The following PTPRR variants were observed in gnomAD, a reference collection of about 807,000 sequenced individuals.
PTPRR encodes the protein protein tyrosine phosphatase receptor type R, also known as receptor-type tyrosine-protein phosphatase R.
A neutral mutation model predicts 77.2 loss-of-function variants in PTPRR; 38 were observed. The observed-to-expected ratio is 0.49, with a 90% CI of 0.38 to 0.65. The LOEUF is 0.65. Among genes scored for constraint, PTPRR ranks in the 30% least tolerant of loss-of-function variants. The probability of loss-of-function intolerance (pLI) is 0.00; values close to 1 mark genes in which losing one functional copy is unlikely to be tolerated. For missense variants in PTPRR, 744 were observed against 799.2 expected, an observed-to-expected ratio of 0.93 and a Z score of 0.83; for synonymous variants, 299 against 283.1, an observed-to-expected ratio of 1.06 and a Z score of -0.57.
intron 2 of PTPRR, among the ~76,000 whole-genome samples, chr12:70,803,639 G>A (rs146080419): frequency 1.8e-4 from 28 of 152,196 alleles, no homozygotes; most frequent in African/African-American, 6.5e-4. Context: ...TGCTGCCCAT[G>A]GAGAAACAGA....
At chr12:70,765,941 G>A (rs1890810266) in intron 2 of PTPRR, among the ~76,000 whole-genome samples, 1 of 152,222 alleles carries the variant, frequency 6.6e-6, no homozygotes, top group South Asian at 2.1e-4. Context: ...CAACAGACCT[G>A]CAGCTGAGGG....
intron 2 of PTPRR, among the ~76,000 whole-genome samples, chr12:70,855,840 T>C (rs1182311244): frequency 6.6e-6 from 1 of 150,632 alleles, no homozygotes; most frequent in Non-Finnish European, 1.5e-5. Flanking sequence ...ATAACAACAA[T>C]GTTTTGCAAC....
chr12:70,658,996 C>T (rs1039998582), intron 12 of PTPRR, among the ~76,000 whole-genome samples: 11 of 146,428 alleles, frequency 7.5e-5, no homozygotes, highest in African/African-American at 1.5e-4. Flanking sequence ...TCTGCCTCCT[C>T]GGTTCAAGCG....
rs199789751 is a variant in PTPRR, at chr12:70,791,092, C to T, written c.358-26314G>A. Among the ~76,000 whole-genome samples, 23 of 152,258 alleles carry T rather than the reference C, an allele frequency of 1.5e-4. No individual in the cohort carries two copies. In the East Asian group the frequency reaches 4.4e-3, roughly 29 times the overall value. ...TTTTATTGTTTATTTTCTGCAAAAA[C>T]CTGGAGTAATTTTTGAAACCATAAA... is the stretch of plus-strand genomic sequence containing the variant. On this transcript the variant is annotated intron_variant, in intron 2 of 13. Coordinates refer to ENST00000283228, the MANE Select transcript of PTPRR (RefSeq NM_002849.4).
intron 2 of PTPRR, among the ~76,000 whole-genome samples, chr12:70,792,169 C>T (rs757833881): frequency 7.2e-5 from 11 of 152,134 alleles, no homozygotes; most frequent in Admixed American, 2.0e-4. Context: ...TGGTCTACTA[C>T]GTCAGAGGTT....
intron 11 of PTPRR, among the ~76,000 whole-genome samples, chr12:70,661,896 C>T (rs949824933): frequency 6.6e-6 from 1 of 152,110 alleles, no homozygotes; most frequent in African/African-American, 2.4e-5. Flanking sequence ...CAGATAAGAT[C>T]GAAATTTTTG....
chr12:70,645,432 C>T (rs567045241), intron 13 of PTPRR, among the ~76,000 whole-genome samples: 16 of 152,226 alleles, frequency 1.1e-4, no homozygotes, highest in African/African-American at 3.9e-4. Flanking sequence ...TAATACGACA[C>T]CTAGGGTAAC....
intron 1 of PTPRR, among the ~76,000 whole-genome samples, chr12:70,915,369 T>A (rs1209137326): frequency 6.6e-6 from 1 of 152,148 alleles, no homozygotes; most frequent in Non-Finnish European, 1.5e-5. Flanking sequence ...AGGTGTTAGG[T>A]AGGATGTGAT....
chr12:70,684,838 C>A, intron 8 of PTPRR, 55 bp from the exon 9 acceptor site: 2 of 1,229,290 alleles, frequency 1.6e-6, no homozygotes, highest in South Asian at 2.7e-5. Flanking sequence ...TTTTAAAGTT[C>A]CTTAGAATGC....
chr12:70,901,642 A>G (rs1893535861), intron 1 of PTPRR, among the ~76,000 whole-genome samples: 1 of 151,872 alleles, frequency 6.6e-6, no homozygotes, highest in African/African-American at 2.4e-5. Flanking sequence ...CTGAGACCTA[A>G]AACTCTAAAA....
chr12:70,907,826 G>A (rs1893644333), intron 1 of PTPRR, among the ~76,000 whole-genome samples: 1 of 152,086 alleles, frequency 6.6e-6, no homozygotes. Flanking sequence ...TGACAGGAGT[G>A]AATGCTACTA....
chr12:70,657,491 C>T (rs1331380702), intron 12 of PTPRR, among the ~76,000 whole-genome samples: 1 of 152,166 alleles, frequency 6.6e-6, no homozygotes, highest in Non-Finnish European at 1.5e-5. Flanking sequence ...TCCATAAAAT[C>T]AACCTCACAA....
chr12:70,795,612 T>C (rs1037322009), intron 2 of PTPRR, among the ~76,000 whole-genome samples: 2 of 152,214 alleles, frequency 1.3e-5, no homozygotes, highest in Non-Finnish European at 2.9e-5. Context: ...ATATCATTTC[T>C]ATTTGTATCA....
chr12:70,691,681 T>C (rs1185573343), intron 8 of PTPRR, among the ~76,000 whole-genome samples: 1 of 152,204 alleles, frequency 6.6e-6, no homozygotes, highest in Non-Finnish European at 1.5e-5. Flanking sequence ...TTAGGTTAGG[T>C]GTGCTGCCAC....
At chr12:70,917,002 T>A (rs1893784970) in intron 1 of PTPRR, among the ~76,000 whole-genome samples, 1 of 152,218 alleles carries the variant, frequency 6.6e-6, no homozygotes, top group South Asian at 2.1e-4. Flanking sequence ...ACATGAGAAT[T>A]TTTAATATAT....
At chr12:70,819,269 C>A (rs541738580) in intron 2 of PTPRR, among the ~76,000 whole-genome samples, 1 of 152,188 alleles carries the variant, frequency 6.6e-6, no homozygotes, top group Non-Finnish European at 1.5e-5. Context: ...TGCACCACTG[C>A]GCTCCAGCCT....
intron 2 of PTPRR, among the ~76,000 whole-genome samples, chr12:70,853,655 C>T (rs1410126229): frequency 6.6e-6 from 1 of 152,152 alleles, no homozygotes; most frequent in African/African-American, 2.4e-5. Context: ...GCCCTGGGGT[C>T]CTATTGTGCC....
intron 2 of PTPRR, among the ~76,000 whole-genome samples, chr12:70,804,622 T>A (rs773112476): frequency 2.0e-5 from 3 of 152,060 alleles, no homozygotes; most frequent in Admixed American, 6.6e-5. Context: ...ATAGAAATAC[T>A]ATACCAATAT....
intron 10 of PTPRR, among the ~76,000 whole-genome samples, chr12:70,677,585 C>A (rs75315509): frequency 7.2e-5 from 11 of 152,054 alleles, no homozygotes; most frequent in Non-Finnish European, 1.5e-4. Context: ...TACATACTTT[C>A]TGTATCTAAT....
Sources: allele counts gnomAD v4.1 joint callset (sites outside exome capture counted in the v4.1 genomes callset), GRCh38; gene constraint gnomAD v4.1.1; transcripts MANE v1.5; gene names NCBI Gene and HGNC (gene_info 2026-07-23, HGNC 2026-07-21).